Variants in DPF2 observed in about 807,000 individuals in gnomAD.
DPF2 encodes zinc finger protein ubi-d4.
In DPF2, 10 loss-of-function variants were observed where a neutral mutation model predicts 59.6. The ratio of observed to expected loss-of-function variants is 0.17; its 90% CI spans 0.10 to 0.28. The LOEUF (loss-of-function observed/expected upper bound fraction) is 0.28. DPF2 is among the 10% of genes least tolerant of loss of function. The probability of loss-of-function intolerance (pLI) is 1.00; values close to 1 mark genes in which losing one functional copy is unlikely to be tolerated. For missense variants in DPF2, 315 were observed against 509.4 expected, an observed-to-expected ratio of 0.62 and a Z score of 3.67; for synonymous variants, 189 against 190.6, an observed-to-expected ratio of 0.99 and a Z score of 0.07.
At chr11:65,342,100 CA>C (rs956738802) in intron 4 of DPF2, 116 of 138,050 alleles carry the variant, frequency 8.4e-4, no homozygotes, top group Admixed American at 9.4e-4. Flanking sequence ...GCCTGGGCAA[CA>C]AAAAAAAAAA....
rs1191599854 is a variant in DPF2, at chr11:65,344,027, G to A, written c.595G>A (p.Ala199Thr). 3 of 1,614,082 alleles carry A rather than the reference G, an allele frequency of 1.9e-6. No individual in the cohort carries two copies. The African/African-American group carries it at 4.0e-5, about 22-fold the overall frequency. Residue 199 changes from alanine to threonine, a missense_variant, in exon 6 of 11, where the codon GCT becomes ACT. Coordinates refer to ENST00000528416, the MANE Select transcript of DPF2 (RefSeq NM_006268.5). ...GGGCAGTGCCCGTAAGAAGCTGGAT[G>A]CTTCCATCCTGGAGGACCGGGATAA... is the stretch of plus-strand genomic sequence containing the variant. ...GVGSARKKLD[A>T]SILEDRDKPY...
At position 65,337,498 on chromosome 11, in the gene DPF2, TATATATAGAGAGAGAGAG is replaced by T. The variant is rs1326919974; in HGVS notation, c.33-2885_33-2868del. 3.9e-3 allele frequency among the ~76,000 whole-genome samples: 189 copies of T among 47,998 alleles called. 2 individuals carry two copies. Among genetic ancestry groups the T allele is most frequent in the African/African-American group, 0.015 (175 of 11,802 alleles). 31.5% of individuals were successfully genotyped at this position (47,998 alleles called of 152,430 possible). ...AAATATATATATATATATATATATA[TATATATAGAGAGAGAGAG>T]AGAGAGAGAGAGAGAGAGAGAGAGA... On this transcript the variant is annotated intron_variant, in intron 1 of 10. Coordinates refer to ENST00000528416, the MANE Select transcript of DPF2 (RefSeq NM_006268.5).
At chr11:65,347,339 T>C (rs765356266) in intron 9 of DPF2, 1 of 151,902 alleles carries the variant, frequency 6.6e-6, no homozygotes, top group Non-Finnish European at 1.5e-5. Flanking sequence ...ATGTATTTAT[T>C]TATTTATTTT....
intron 1 of DPF2, among the ~76,000 whole-genome samples, chr11:65,334,676 T>C (rs1434717519): frequency 6.6e-6 from 1 of 152,230 alleles, no homozygotes; most frequent in African/African-American, 2.4e-5. Flanking sequence ...GTTGGGGCCA[T>C]GGACGCTGGC....
chr11:65,346,416 G>A, intron 9 of DPF2, 57 bp downstream of exon 9: 1 of 1,486,952 alleles, frequency 6.7e-7, no homozygotes, highest in South Asian at 1.2e-5. Flanking sequence ...ACTGCTGTTT[G>A]CACAGTTCCC....
chr11:65,345,612 G>A, intron 6 of DPF2, 54 bp from the exon 7 acceptor site: 3 of 1,606,206 alleles, frequency 1.9e-6, no homozygotes, highest in African/African-American at 1.3e-5. Context: ...CAGGGATGGG[G>A]ACATGGCACT....
chr11:65,337,504 T>TAGAGAGAGAGAG lies in DPF2; in HGVS notation c.33-2849_33-2838dup, dbSNP rs1188984367. On this transcript the variant is annotated intron_variant, in intron 1 of 10. Coordinates refer to ENST00000528416, the MANE Select transcript of DPF2 (RefSeq NM_006268.5). ...ATATATATATATATATATATATATA[T>TAGAGAGAGAGAG]AGAGAGAGAGAGAGAGAGAGAGAGA... Among the ~76,000 whole-genome samples, 78 of 21,384 alleles carry TAGAGAGAGAGAG rather than the reference T, an allele frequency of 3.6e-3. 2 individuals carry two copies. The highest frequency in any genetic ancestry group is 3.9e-3 in the Non-Finnish European group (48 of 12,344). The allele number at this position is 21,384 out of a possible 152,430, so 14.0% of individuals were successfully genotyped here.
At chr11:65,342,642 T>C (rs558967417) in intron 4 of DPF2, among the ~76,000 whole-genome samples, 1 of 152,298 alleles carries the variant, frequency 6.6e-6, no homozygotes, top group South Asian at 2.1e-4. Flanking sequence ...ATGCCCTTTC[T>C]CCTTTAGTCT....
chr11:65,344,192 C>A, intron 6 of DPF2, 123 bp downstream of exon 6: 1 of 982,068 alleles, frequency 1.0e-6, no homozygotes, highest in Non-Finnish European at 1.6e-6. Flanking sequence ...TCTTGTCCTG[C>A]CTGCTGACTG....
At chr11:65,338,276 T>G (rs1466371595) in intron 1 of DPF2, among the ~76,000 whole-genome samples, 1 of 152,196 alleles carries the variant, frequency 6.6e-6, no homozygotes, top group Admixed American at 6.5e-5. Context: ...CTCACTGTCA[T>G]GCTGTCTTGT....
In DPF2 at chr11:65,346,640, G is replaced by GTA. The variant is rs1854539673; in HGVS notation, c.1017+281_1017+282insTA. On this transcript the variant is annotated intron_variant, in intron 9 of 10. Transcript: ENST00000528416. ...TTCTTACAGGAACAACAATAAGCAA[G>GTA]GATGTAAATGAGATTTGTATAATGT... is the stretch of plus-strand genomic sequence containing the variant. The GTA allele has an allele frequency of 2.0e-5, 7 of 345,210 alleles. No individual in the cohort carries two copies. In the Admixed American group the frequency reaches 3.1e-4, roughly 15 times the overall value. 21.4% of individuals were successfully genotyped at this position (345,210 alleles called of 1,614,324 possible).
intron 1 of DPF2, among the ~76,000 whole-genome samples, chr11:65,338,145 C>A (rs1456296843): frequency 6.6e-6 from 1 of 152,006 alleles, no homozygotes; most frequent in Non-Finnish European, 1.5e-5. Flanking sequence ...TGGGATCTCA[C>A]TATGTTGCCC....
intron 1 of DPF2, among the ~76,000 whole-genome samples, chr11:65,335,506 C>G (rs898189845): frequency 1.3e-5 from 2 of 152,142 alleles, no homozygotes; most frequent in Admixed American, 6.6e-5. Flanking sequence ...TGAGGGGTTG[C>G]CCATTTAAAC....
chr11:65,343,681 C>T (rs1269840599), intron 4 of DPF2, 64 bp from the exon 5 acceptor site: 2 of 1,520,108 alleles, frequency 1.3e-6, no homozygotes, highest in Non-Finnish European at 1.8e-6. Flanking sequence ...CTTGGCCAGT[C>T]TCATCATAGG....
intron 6 of DPF2, chr11:65,344,869 CATT>C (rs1474278802): frequency 9.4e-6 from 5 of 529,696 alleles, no homozygotes; most frequent in Non-Finnish European, 1.7e-5. Flanking sequence ...GCTTCAGAAG[CATT>C]ATCAGGAGCC....
intron 1 of DPF2, among the ~76,000 whole-genome samples, chr11:65,337,474 A>AAAATATATAT (rs1555029114): frequency 4.3e-5 from 2 of 46,482 alleles, no homozygotes; most frequent in Non-Finnish European, 7.2e-5. Context: ...AAAAAAAAAA[A>AAAATATATAT]ATATATATAT....
intron 9 of DPF2, 44 bp downstream of exon 9, chr11:65,346,403 T>G (rs1030860434): frequency 6.5e-7 from 1 of 1,550,096 alleles, no homozygotes; most frequent in African/African-American, 1.4e-5. Flanking sequence ...CTTCTGGGCT[T>G]TTACTGCTGT....
chr11:65,350,374 C>CTTTTTTTTTT (rs529951680), intron 10 of DPF2, among the ~76,000 whole-genome samples: 1 of 128,776 alleles, frequency 7.8e-6, no homozygotes, highest in Non-Finnish European at 1.7e-5. Context: ...TTCTTTCTTT[C>CTTTTTTTTTT]TTTTTTTTTT....
chr11:65,337,504 T>TATATAGAG (rs1282367012), intron 1 of DPF2, among the ~76,000 whole-genome samples: 35 of 21,388 alleles, frequency 1.6e-3, no homozygotes, highest in Admixed American at 1.7e-3. Context: ...TATATATATA[T>TATATAGAG]AGAGAGAGAG....
Sources: allele counts gnomAD v4.1 joint callset (sites outside exome capture counted in the v4.1 genomes callset), GRCh38; gene constraint gnomAD v4.1.1; transcripts MANE v1.5; gene names NCBI Gene and HGNC (gene_info 2026-07-23, HGNC 2026-07-21).